STAU1: variants seen among roughly 807,000 people sequenced by gnomAD.
The protein encoded by STAU1 is double-stranded RNA-binding protein Staufen homolog 1.
Under a neutral mutation model 62.9 loss-of-function variants are expected in STAU1, and 13 were observed. The ratio of observed to expected loss-of-function variants is 0.21; its 90% confidence interval spans 0.13 to 0.33. The LOEUF is 0.33. Ranked by LOEUF, STAU1 falls within the 10% of genes least tolerant of loss-of-function variation. The pLI, the probability that STAU1 is intolerant of heterozygous loss-of-function variation, is 1.00. For synonymous variants in STAU1, 269 were observed against 265.1 expected (o/e 1.01, Z -0.14); for missense variants, 571 against 712.1 (o/e 0.80, Z 2.25).
intron 12 of STAU1, among the ~76,000 whole-genome samples, chr20:49,116,517 T>C (rs1272134818): frequency 6.6e-6 from 1 of 151,992 alleles, no homozygotes; most frequent in Non-Finnish European, 1.5e-5. Context: ...TTTTGTATTT[T>C]TAGTAGAGAT....
chr20:49,206,748 TA>T, the STAU1 span, among the ~76,000 whole-genome samples: 796 of 115,736 alleles, frequency 6.9e-3, 10 homozygotes, highest in Middle Eastern at 0.027. Flanking sequence ...TATATATATA[TA>T]TATTTTATTT....
intron 1 of STAU1, among the ~76,000 whole-genome samples, chr20:49,187,785 C>CCG (rs2093808259): frequency 4.0e-5 from 6 of 151,044 alleles, no homozygotes; most frequent in Admixed American, 3.3e-4. Context: ...CCCCCCCCCC[C>CCG]CCCGCCTGCG....
At chr20:49,191,539 A>G (rs1259166859), upstream of STAU1, among the ~76,000 whole-genome samples, 1 of 152,164 alleles carries the variant, frequency 6.6e-6, no homozygotes, top group Non-Finnish European at 1.5e-5. Context: ...GACTGCTGAA[A>G]AATTACAGCC....
rs752504874 is a variant in STAU1 at position 49,123,083 on chromosome 20, C to A, written c.966+9G>T. The A allele has an allele frequency of 1.0e-5, 16 of 1,581,940 alleles. No individual in the cohort carries two copies. Among genetic ancestry groups the A allele is most frequent in the African/African-American group, 1.3e-5 (1 of 74,100 alleles). On this transcript the variant is annotated intron_variant, in intron 8 of 13. Coordinates refer to ENST00000371856, the MANE Select transcript of STAU1 (RefSeq NM_017453.4). ...GAGGAAGGGGCGCCCATCATCCATGCGGACCCACCTGCATCACAAACTCCC... is the reference window on the plus strand; with the variant it reads ...GAGGAAGGGGCGCCCATCATCCATGAGGACCCACCTGCATCACAAACTCCC...
intron 5 of STAU1, among the ~76,000 whole-genome samples, chr20:49,148,995 A>C (rs1202113551): frequency 6.6e-6 from 1 of 152,068 alleles, no homozygotes; most frequent in Non-Finnish European, 1.5e-5. Context: ...TCATGCCCAT[A>C]ATCCCAGCAC....
the STAU1 span, among the ~76,000 whole-genome samples, chr20:49,209,879 T>A: frequency 6.6e-6 from 1 of 151,758 alleles, no homozygotes; most frequent in African/African-American, 2.4e-5. Context: ...AAACCCCGTC[T>A]CTACTAAAAA....
chr20:49,141,350 AG>A (rs1568864369), intron 5 of STAU1, among the ~76,000 whole-genome samples: 1 of 152,206 alleles, frequency 6.6e-6, no homozygotes, highest in African/African-American at 2.4e-5. Context: ...ACACTTCTGG[AG>A]GCTGAGATGG....
At chr20:49,115,277 T>TGAA (rs2145796381) in intron 13 of STAU1, among the ~76,000 whole-genome samples, 1 of 152,238 alleles carries the variant, frequency 6.6e-6, no homozygotes, top group African/African-American at 2.4e-5. Flanking sequence ...TCTGACCATG[T>TGAA]GAAGGTATGA....
chr20:49,182,183 C>T (rs1191835887), intron 1 of STAU1, among the ~76,000 whole-genome samples: 1 of 152,162 alleles, frequency 6.6e-6, no homozygotes, highest in Non-Finnish European at 1.5e-5. Context: ...AAATATACAG[C>T]AATTAACAGC....
chr20:49,157,288 G>T (rs1238802101), intron 3 of STAU1, among the ~76,000 whole-genome samples: 1 of 152,160 alleles, frequency 6.6e-6, no homozygotes, highest in Non-Finnish European at 1.5e-5. Context: ...GCTGCAATGT[G>T]TTTGTGGGCT....
chr20:49,118,388 C>T lies in STAU1; in HGVS notation c.1134G>A (p.Gly378=), dbSNP rs778087818. ...SEEKTPIKKP[G]DGRKVTFFEP... ...CAAAAAAGGTTACTTTTCTTCCATCCCCTGGTTTCTTTATGGGTGTCTTAA... is the reference window on the plus strand; with the variant it reads ...CAAAAAAGGTTACTTTTCTTCCATCTCCTGGTTTCTTTATGGGTGTCTTAA... Residue 378 remains glycine (G), a synonymous_variant, in exon 10 of 14, where the codon GGG becomes GGA. Coordinates refer to ENST00000371856, the MANE Select transcript of STAU1 (RefSeq NM_017453.4). 1 of 1,613,648 alleles carries T rather than the reference C, an allele frequency of 6.2e-7. No individual in the cohort carries two copies. The highest frequency in any genetic ancestry group is 1.1e-5 in the South Asian group (1 of 91,002).
At chr20:49,158,134 T>G (rs563815209) in intron 3 of STAU1, among the ~76,000 whole-genome samples, 1 of 151,634 alleles carries the variant, frequency 6.6e-6, no homozygotes, top group Non-Finnish European at 1.5e-5. Flanking sequence ...ATACAAAAAT[T>G]AGCCACGTGT....
chr20:49,145,258 T>C (rs2146157673), intron 5 of STAU1, among the ~76,000 whole-genome samples: 1 of 150,674 alleles, frequency 6.6e-6, no homozygotes, highest in Non-Finnish European at 1.5e-5. Flanking sequence ...ACCCCATCTC[T>C]ACTAAAAATA....
intron 2 of STAU1, among the ~76,000 whole-genome samples, chr20:49,167,731 C>T (rs2093545302): frequency 6.6e-6 from 1 of 152,100 alleles, no homozygotes; most frequent in Non-Finnish European, 1.5e-5. Flanking sequence ...AATAGAAACA[C>T]TTTTTTCCTC....
At chr20:49,128,730 G>C (rs553198848) in intron 6 of STAU1, among the ~76,000 whole-genome samples, 1 of 129,512 alleles carries the variant, frequency 7.7e-6, no homozygotes, top group South Asian at 2.4e-4. Flanking sequence ...ATAAAGGACT[G>C]TCTCTTCAAC....
At chr20:49,217,694 T>TATATATA in the STAU1 span, among the ~76,000 whole-genome samples, 3 of 143,100 alleles carry the variant, frequency 2.1e-5, no homozygotes, top group Admixed American at 7.1e-5. Context: ...TATATATATA[T>TATATATA]TTTTAGGCCA....
At chr20:49,170,608 C>T (rs2093584657) in intron 2 of STAU1, among the ~76,000 whole-genome samples, 1 of 152,106 alleles carries the variant, frequency 6.6e-6, no homozygotes, top group South Asian at 2.1e-4. Context: ...CTGTCTTGGC[C>T]TCAACAAAGT....
intron 5 of STAU1, among the ~76,000 whole-genome samples, chr20:49,137,125 G>A (rs1249160837): frequency 6.6e-6 from 1 of 152,110 alleles, no homozygotes; most frequent in Admixed American, 6.5e-5. Flanking sequence ...GATCATGCCT[G>A]TAAACAGCCA....
chr20:49,120,624 TA>T (rs1381875858), intron 8 of STAU1, among the ~76,000 whole-genome samples: 1 of 152,164 alleles, frequency 6.6e-6, no homozygotes, highest in Non-Finnish European at 1.5e-5. Context: ...ATGAAAAGGT[TA>T]ATAAAGCAGG....
Sources: gnomAD v4.1 joint callset for allele counts (sites outside exome capture counted in the v4.1 genomes callset) on GRCh38, gnomAD v4.1.1 for gene constraint, MANE v1.5 for transcripts, NCBI Gene and HGNC (gene_info 2026-07-23, HGNC 2026-07-21) for gene names.